The following OCA2 variants were observed in gnomAD, a reference collection of about 807,000 sequenced individuals.
The protein encoded by OCA2 is OCA2 melanosomal transmembrane protein.
Under a neutral mutation model 100.2 loss-of-function variants are expected in OCA2, and 77 were observed. The observed-to-expected ratio is 0.77, with a 90% CI of 0.64 to 0.93. The LOEUF is 0.93. OCA2 is among the 40% of genes least tolerant of loss of function. OCA2 has a pLI of 0.00. For synonymous variants in OCA2, 432 were observed against 439.2 expected, an observed-to-expected ratio of 0.98 and a Z score of 0.21; for missense variants, 1,062 against 1,089.1, an observed-to-expected ratio of 0.98 and a Z score of 0.35.
the OCA2 span, among the ~76,000 whole-genome samples, chr15:27,736,154 G>A: frequency 1.3e-5 from 2 of 152,094 alleles, no homozygotes; most frequent in South Asian, 2.1e-4. Flanking sequence ...AAGTGTACAT[G>A]TTATATTCAT....
chr15:28,030,042 C>T (rs974102), intron 3 of OCA2, among the ~76,000 whole-genome samples: 8,741 of 152,228 alleles, frequency 0.057, 840 homozygotes, highest in African/African-American at 0.2. Flanking sequence ...CACAGGCCTT[C>T]ACAATTTACC....
chr15:27,954,154 CACA>C (rs2040138297), intron 17 of OCA2, among the ~76,000 whole-genome samples: 1 of 53,098 alleles, frequency 1.9e-5, no homozygotes, highest in Non-Finnish European at 8.4e-5. Context: ...CACACACACA[CACA>C]CACCTAGGGT....
intron 18 of OCA2, among the ~76,000 whole-genome samples, chr15:27,944,055 C>T (rs2039748476): frequency 6.6e-6 from 1 of 152,186 alleles, no homozygotes; most frequent in African/African-American, 2.4e-5. Context: ...CAGAGTTTCA[C>T]TCTTTTCATC....
rs1413311186 is a variant in OCA2 at position 28,014,370 on chromosome 15, TC to T, written c.1044+405del. 2.6e-5 allele frequency among the ~76,000 whole-genome samples: 4 copies of T among 152,224 alleles called. No individual in the cohort carries two copies. In the South Asian group the frequency reaches 8.3e-4, roughly 32 times the overall value. ...GGCACACAGCCCCAGGCCATCCGTG[TC>T]CCCTCACACACACAACCCCACGGTG... On this transcript the variant is annotated intron_variant, in intron 9 of 23. Coordinates refer to ENST00000354638, the MANE Select transcript of OCA2 (RefSeq NM_000275.3).
At chr15:27,872,783 G>C (rs574335593) in intron 19 of OCA2, among the ~76,000 whole-genome samples, 2 of 151,130 alleles carry the variant, frequency 1.3e-5, no homozygotes, top group African/African-American at 4.9e-5. Flanking sequence ...TCCACCTCCC[G>C]GGTTCAAGTG....
Position 27,983,497 on chromosome 15 carries a change from AG to A in OCA2, c.1365-15del, listed in dbSNP as rs1172735207. The stretch of plus-strand genomic sequence containing the variant: ...ACCTCACACAACCTGTCACAAATGG[AG>A]GAAAATGAAAGTAGTCCCACTATAC... On this transcript the variant is annotated splice_polypyrimidine_tract_variant and intron_variant, in intron 13 of 23. Coordinates refer to ENST00000354638, the MANE Select transcript of OCA2 (RefSeq NM_000275.3). The A allele has an allele frequency of 6.2e-7, 1 of 1,614,072 alleles. No individual in the cohort carries two copies. The highest frequency in any genetic ancestry group is 1.7e-5 in the Admixed American group (1 of 60,014).
At chr15:27,951,164 C>T (rs1054854388) in intron 18 of OCA2, among the ~76,000 whole-genome samples, 1 of 152,160 alleles carries the variant, frequency 6.6e-6, no homozygotes, top group Non-Finnish European at 1.5e-5. Context: ...TGAGCTCCCC[C>T]TGAGAGAGCC....
chr15:27,833,652 T>C (rs1028131965), intron 23 of OCA2, among the ~76,000 whole-genome samples: 1 of 152,224 alleles, frequency 6.6e-6, no homozygotes, highest in Non-Finnish European at 1.5e-5. Context: ...ATAAAAGCAA[T>C]CATTTAGGCC....
At chr15:27,769,656 G>T (rs1243993831) in intron 23 of OCA2, among the ~76,000 whole-genome samples, 1 of 152,110 alleles carries the variant, frequency 6.6e-6, no homozygotes, top group Admixed American at 6.6e-5. Flanking sequence ...AAAAAAAAAG[G>T]CTTTAATAAC....
chr15:28,021,699 G>A (rs761357468), intron 6 of OCA2, among the ~76,000 whole-genome samples: 11 of 152,092 alleles, frequency 7.2e-5, no homozygotes, highest in Non-Finnish European at 1.5e-4. Flanking sequence ...ACCCTCTCCC[G>A]CTGCCTCTAT....
At chr15:27,750,354 T>C (rs778644594), downstream of OCA2, among the ~76,000 whole-genome samples, 1 of 152,154 alleles carries the variant, frequency 6.6e-6, no homozygotes, top group Non-Finnish European at 1.5e-5. Flanking sequence ...GAGGATAAAA[T>C]ACAAGGCTTG....
At chr15:28,016,217 G>A (rs755818188) in intron 7 of OCA2, 31 bp from the exon 8 acceptor site, 2 of 1,563,912 alleles carry the variant, frequency 1.3e-6, no homozygotes, top group South Asian at 1.1e-5. Context: ...GTTATGGTGA[G>A]GCTTTTCACC....
intron 23 of OCA2, among the ~76,000 whole-genome samples, chr15:27,800,425 A>G (rs1415589024): frequency 6.6e-6 from 1 of 152,240 alleles, no homozygotes; most frequent in African/African-American, 2.4e-5. Flanking sequence ...AAAATGAATA[A>G]AATTGATAAA....
At chr15:27,986,437 G>C (rs2041353722) in intron 12 of OCA2, 150 bp downstream of exon 12, 1 of 643,848 alleles carries the variant, frequency 1.6e-6, no homozygotes, top group Non-Finnish European at 2.8e-6. Flanking sequence ...AACATAGCAA[G>C]TATACCCTGC....
intron 23 of OCA2, among the ~76,000 whole-genome samples, chr15:27,784,818 G>C (rs974296777): frequency 6.6e-6 from 1 of 151,958 alleles, no homozygotes; most frequent in Non-Finnish European, 1.5e-5. Flanking sequence ...AACCAGCAGA[G>C]CTTTCATGAA....
chr15:28,030,462 G>A (rs769630357), intron 3 of OCA2, among the ~76,000 whole-genome samples: 15 of 152,264 alleles, frequency 9.9e-5, no homozygotes, highest in Non-Finnish European at 1.8e-4. Context: ...TGGAGAGCCA[G>A]AGAGTGAAGG....
intron 9 of OCA2, among the ~76,000 whole-genome samples, chr15:27,994,770 T>C (rs542972051): frequency 2.6e-5 from 4 of 152,256 alleles, no homozygotes; most frequent in South Asian, 2.1e-4. Flanking sequence ...AGGAAAGAGT[T>C]TGGGGGCAGC....
intron 18 of OCA2, among the ~76,000 whole-genome samples, chr15:27,937,706 C>A (rs2039506594): frequency 6.6e-6 from 1 of 152,190 alleles, no homozygotes; most frequent in Non-Finnish European, 1.5e-5. Flanking sequence ...ATTTCAATAT[C>A]TTCTTCTGTG....
At chr15:28,006,382 G>T (rs1341336494) in intron 9 of OCA2, among the ~76,000 whole-genome samples, 1 of 152,198 alleles carries the variant, frequency 6.6e-6, no homozygotes, top group Admixed American at 6.5e-5. Context: ...GTTGGAAAGG[G>T]TCCACCTACT....
Sources: gnomAD v4.1 joint callset for allele counts (sites outside exome capture counted in the v4.1 genomes callset) on GRCh38, gnomAD v4.1.1 for gene constraint, MANE v1.5 for transcripts, NCBI Gene and HGNC (gene_info 2026-07-23, HGNC 2026-07-21) for gene names.